Variants in CCPG1 observed in about 807,000 individuals in gnomAD.
CCPG1 encodes cell cycle progression protein 1.
A neutral mutation model predicts 81.3 loss-of-function variants in CCPG1; 46 were observed. The ratio of observed to expected loss-of-function variants is 0.57; its 90% confidence interval spans 0.45 to 0.72. The LOEUF is 0.72. Among genes scored for constraint, CCPG1 ranks in the 30% least tolerant of loss-of-function variants. The probability of loss-of-function intolerance (pLI) is 0.00; values close to 1 mark genes in which losing one functional copy is unlikely to be tolerated. For synonymous variants in CCPG1, 330 were observed against 305.2 expected (o/e 1.08, Z -0.85); for missense variants, 902 against 937.6 (o/e 0.96, Z 0.50).
At chr15:55,388,887 G>A (rs2056856803) in intron 2 of CCPG1, among the ~76,000 whole-genome samples, 1 of 151,812 alleles carries the variant, frequency 6.6e-6, no homozygotes, top group South Asian at 2.1e-4. Flanking sequence ...TGGCCAAGAT[G>A]GTGAAACTCG....
intron 8 of CCPG1, 46 bp from the exon 9 acceptor site, chr15:55,356,455 A>T: frequency 7.1e-7 from 1 of 1,401,064 alleles, no homozygotes; most frequent in Non-Finnish European, 9.4e-7. Context: ...AGTTCAATGT[A>T]TTTAAATTTA....
chr15:55,388,706 T>C (rs928130707), intron 2 of CCPG1, among the ~76,000 whole-genome samples: 2 of 151,910 alleles, frequency 1.3e-5, no homozygotes, highest in African/African-American at 4.8e-5. Context: ...GGTACTATGA[T>C]TGCACATGTG....
intron 1 of CCPG1, among the ~76,000 whole-genome samples, chr15:55,397,779 C>A (rs767837299): frequency 3.9e-5 from 6 of 152,108 alleles, no homozygotes; most frequent in Non-Finnish European, 8.8e-5. Context: ...GAGTTCATGA[C>A]CAGCCTGACC....
At chr15:55,391,684 C>T (rs1393893970) in intron 1 of CCPG1, among the ~76,000 whole-genome samples, 1 of 151,904 alleles carries the variant, frequency 6.6e-6, no homozygotes, top group Non-Finnish European at 1.5e-5. Context: ...AATTGAGATA[C>T]TACATTAAAA....
chr15:55,369,763 T>A (rs2056409434), intron 6 of CCPG1, among the ~76,000 whole-genome samples: 1 of 152,230 alleles, frequency 6.6e-6, no homozygotes, highest in African/African-American at 2.4e-5. Context: ...AACAGAGAAG[T>A]AACTTCTCAT....
intron 1 of CCPG1, among the ~76,000 whole-genome samples, chr15:55,396,080 G>C (rs904217216): frequency 6.6e-5 from 10 of 151,262 alleles, no homozygotes; most frequent in Admixed American, 5.3e-4. Context: ...CTTGAAACCA[G>C]GAGGTGGAGG....
At chr15:55,375,352 C>G (rs2056543121) in intron 5 of CCPG1, among the ~76,000 whole-genome samples, 1 of 152,064 alleles carries the variant, frequency 6.6e-6, no homozygotes, top group South Asian at 2.1e-4. Flanking sequence ...TTTGACTTTT[C>G]TGGGCCATGA....
At chr15:55,379,891 G>A (rs1026940855) in intron 3 of CCPG1, among the ~76,000 whole-genome samples, 5 of 151,958 alleles carry the variant, frequency 3.3e-5, no homozygotes, top group African/African-American at 1.2e-4. Flanking sequence ...CTGAGGTCAG[G>A]AGTTTGAGAC....
intron 1 of CCPG1, among the ~76,000 whole-genome samples, chr15:55,407,037 ACC>A (rs751198168): frequency 1.8e-5 from 2 of 112,686 alleles, no homozygotes; most frequent in Non-Finnish European, 3.5e-5. Flanking sequence ...ACACGTTGAG[ACC>A]CCCCCCCCCG....
rs1323765815 is a variant in CCPG1 at position 55,370,941 on chromosome 15, T to A, written c.706+852A>T. Among the ~76,000 whole-genome samples the A allele has an allele frequency of 2.5e-4, 37 of 145,868 alleles. No homozygotes were observed. The Admixed American group carries it at 2.6e-3, about 10-fold the overall frequency. ...GCCTGGCCAACATGGCAAAACCCCG[T>A]CTCTACTACAAATATAAAAAAATTA... On this transcript the variant is annotated intron_variant, in intron 6 of 8. Transcript: ENST00000442196.
chr15:55,391,998 C>CA (rs1197412021), intron 1 of CCPG1, among the ~76,000 whole-genome samples: 3 of 107,614 alleles, frequency 2.8e-5, no homozygotes, highest in African/African-American at 1.0e-4. Context: ...GGCAACATTG[C>CA]AAAAAACAAA....
chr15:55,391,826 T>A (rs888555373), intron 1 of CCPG1, among the ~76,000 whole-genome samples: 6 of 136,098 alleles, frequency 4.4e-5, no homozygotes, highest in African/African-American at 1.7e-4. Context: ...GCCTGTGAAC[T>A]GCCATTGCAC....
intron 1 of CCPG1, among the ~76,000 whole-genome samples, chr15:55,397,979 G>GC (rs1190531699): frequency 9.5e-5 from 1 of 10,482 alleles, no homozygotes; most frequent in African/African-American, 1.8e-4. Flanking sequence ...TCCATCTCAA[G>GC]AAAAAAAAAG....
At chr15:55,373,378 C>T (rs754772178) in intron 5 of CCPG1, among the ~76,000 whole-genome samples, 12 of 152,270 alleles carry the variant, frequency 7.9e-5, no homozygotes, top group Admixed American at 2.6e-4. Context: ...CTTCAGAAGA[C>T]AGGATATCCA....
intron 1 of CCPG1, among the ~76,000 whole-genome samples, chr15:55,389,814 C>T (rs2056878678): frequency 6.6e-6 from 1 of 152,210 alleles, no homozygotes; most frequent in Non-Finnish European, 1.5e-5. Context: ...GTGTGAAAAA[C>T]ATGACTGCAG....
intron 8 of CCPG1, chr15:55,358,642 T>C (rs2056130374): frequency 2.2e-5 from 22 of 985,406 alleles, no homozygotes; most frequent in Non-Finnish European, 2.7e-5. Flanking sequence ...AAAGGCCACC[T>C]CACTCAAGAA....
chr15:55,389,730 G>A (rs1198484796), intron 1 of CCPG1, among the ~76,000 whole-genome samples: 3 of 152,178 alleles, frequency 2.0e-5, no homozygotes, highest in South Asian at 4.1e-4. Context: ...CCAGACAGAG[G>A]TGAAGGAAAA....
At chr15:55,388,976 G>A (rs1344462961) in intron 2 of CCPG1, among the ~76,000 whole-genome samples, 1 of 141,804 alleles carries the variant, frequency 7.1e-6, no homozygotes, top group East Asian at 2.1e-4. Context: ...GCTGAGGCAG[G>A]AGAATCATTT....
intron 6 of CCPG1, among the ~76,000 whole-genome samples, chr15:55,369,320 G>C (rs2056399561): frequency 1.3e-5 from 2 of 151,892 alleles, no homozygotes; most frequent in African/African-American, 4.8e-5. Context: ...CAGATCACCT[G>C]AGGTCAGGAG....
Sources: allele counts gnomAD v4.1 joint callset (sites outside exome capture counted in the v4.1 genomes callset), GRCh38; gene constraint gnomAD v4.1.1; transcripts MANE v1.5; gene names NCBI Gene and HGNC (gene_info 2026-07-23, HGNC 2026-07-21).